IL16: variants seen among roughly 807,000 people sequenced by gnomAD.
The protein encoded by IL16 is pro-interleukin-16.
IL16 carries 67 observed loss-of-function variants against 110.1 expected under a neutral mutation model. That is an observed-to-expected ratio of 0.61 (90% CI 0.50 to 0.75). The LOEUF is 0.75. Ranked by LOEUF, IL16 falls within the 30% of genes least tolerant of loss-of-function variation. The pLI, the probability that IL16 is intolerant of heterozygous loss-of-function variation, is 0.00. For synonymous variants in IL16, 689 were observed against 662.9 expected (o/e 1.04, Z -0.61); for missense variants, 1,545 against 1,655.0 (o/e 0.93, Z 1.15).
At chr15:81,269,222 C>A (rs1898523955) in intron 4 of IL16, among the ~76,000 whole-genome samples, 1 of 152,244 alleles carries the variant, frequency 6.6e-6, no homozygotes, top group African/African-American at 2.4e-5. Context: ...TGAGACCTGG[C>A]TTATGAGGAC....
upstream of IL16, among the ~76,000 whole-genome samples, chr15:81,196,573 C>A (rs983389424): frequency 4.6e-5 from 7 of 152,234 alleles, no homozygotes; most frequent in Admixed American, 1.3e-4. Context: ...AAGCTCCTAG[C>A]AGCGTGCCAG....
At chr15:81,247,070 C>CTCTTTTTTTTTT (rs1567016849) in intron 2 of IL16, among the ~76,000 whole-genome samples, 1 of 107,608 alleles carries the variant, frequency 9.3e-6, no homozygotes, top group African/African-American at 3.5e-5. Context: ...TCTTTCTTTT[C>CTCTTTTTTTTTT]TTTTCCTTTT....
chr15:81,306,339 C>A, intron 17 of IL16, 81 bp from the exon 18 acceptor site: 1 of 1,581,440 alleles, frequency 6.3e-7, no homozygotes, highest in Non-Finnish European at 8.6e-7. Context: ...GGCTGTATCA[C>A]CCCGGGCTCA....
At chr15:81,285,468 G>A (rs1056913973) in intron 9 of IL16, among the ~76,000 whole-genome samples, 13 of 152,216 alleles carry the variant, frequency 8.5e-5, no homozygotes, top group African/African-American at 2.7e-4. Context: ...TTGACCCACT[G>A]TAAATAGGAA....
At chr15:81,219,754 G>A (rs943282448) in intron 1 of IL16, among the ~76,000 whole-genome samples, 1 of 152,168 alleles carries the variant, frequency 6.6e-6, no homozygotes, top group Non-Finnish European at 1.5e-5. Context: ...TACCTGGAGT[G>A]CATCATTCTG....
At chr15:81,216,131 G>A (rs886814513) in intron 1 of IL16, among the ~76,000 whole-genome samples, 2 of 152,216 alleles carry the variant, frequency 1.3e-5, no homozygotes, top group Admixed American at 6.5e-5. Context: ...CCTCCCAGAG[G>A]GGAATAGAGA....
intron 12 of IL16, among the ~76,000 whole-genome samples, chr15:81,296,440 CACTT>C (rs1461795292): frequency 6.6e-6 from 1 of 152,214 alleles, no homozygotes; most frequent in African/African-American, 2.4e-5. Context: ...TTTTGCAGAA[CACTT>C]ACTAAATATT....
rs115181145 is a variant in IL16, at chr15:81,227,438, G to A, written c.312+1727G>A. Reference sequence around the variant, plus strand: ...AATGAAGTGGAGGGGGGTGCATCACGTGCCCACCTGGGGAAGGGCATTGCA... The same window carrying A: ...AATGAAGTGGAGGGGGGTGCATCACATGCCCACCTGGGGAAGGGCATTGCA... On this transcript the variant is annotated intron_variant, in intron 2 of 18. Transcript: ENST00000683961. 6.6e-3 allele frequency among the ~76,000 whole-genome samples: 1,009 copies of A among 152,218 alleles called. 6 individuals carry two copies. The highest frequency in any genetic ancestry group is 0.023 in the African/African-American group (960 of 41,506).
chr15:81,306,210 C>T (rs1319846938), intron 17 of IL16, 44 bp downstream of exon 17: 1 of 1,594,668 alleles, frequency 6.3e-7, no homozygotes, highest in Non-Finnish European at 8.5e-7. Context: ...GCCACATCCT[C>T]TTTGGCCATT....
intron 1 of IL16, among the ~76,000 whole-genome samples, chr15:81,207,562 G>A (rs936412111): frequency 6.8e-6 from 1 of 147,242 alleles, no homozygotes; most frequent in African/African-American, 2.5e-5. Flanking sequence ...TTGTTCCTCT[G>A]TTTATGTTAC....
chr15:81,209,244 G>C (rs1443428517), intron 1 of IL16, among the ~76,000 whole-genome samples: 4 of 152,172 alleles, frequency 2.6e-5, no homozygotes, highest in Non-Finnish European at 4.4e-5. Context: ...ACATGTCAGG[G>C]AAATCATGGG....
Position 81,197,033 on chromosome 15 carries a change from C to T in IL16, c.-221C>T. ...CAATCCTTGCCGGCTCTGACCCAGG[C>T]CTGGGCCACAGGCTGTCCGGGAATA... On this transcript the variant is annotated 5_prime_UTR_variant, in exon 1 of 19. Transcript: ENST00000683961. 1.6e-6 allele frequency: 2 copies of T among 1,288,470 alleles called. No individual in the cohort carries two copies. Among genetic ancestry groups the T allele is most frequent in the Non-Finnish European group, 2.0e-6 (2 of 988,432 alleles). 79.8% of individuals were successfully genotyped at this position (1,288,470 alleles called of 1,614,324 possible). A position where few individuals can be genotyped will look rare whatever the true frequency, so the allele number is the denominator to read the frequency against.
intron 1 of IL16, among the ~76,000 whole-genome samples, chr15:81,199,435 C>T (rs74030015): frequency 0.013 from 1,961 of 152,240 alleles, 44 homozygotes; most frequent in Middle Eastern, 0.044. Context: ...AGGAGGGAGG[C>T]GCTGTTCTTG....
chr15:81,294,264 T>A (rs1000457842), intron 12 of IL16, among the ~76,000 whole-genome samples: 11 of 152,214 alleles, frequency 7.2e-5, no homozygotes, highest in Non-Finnish European at 1.6e-4. Context: ...CAACACATGA[T>A]GGAGTTATCA....
intron 1 of IL16, among the ~76,000 whole-genome samples, chr15:81,212,122 G>C (rs1000227105): frequency 2.0e-5 from 3 of 150,318 alleles, no homozygotes; most frequent in Non-Finnish European, 3.0e-5. Context: ...AATCCATCTT[G>C]TCTAGGGCTT....
At chr15:81,268,643 T>C (rs1898498533) in intron 4 of IL16, among the ~76,000 whole-genome samples, 1 of 152,276 alleles carries the variant, frequency 6.6e-6, no homozygotes, top group Non-Finnish European at 1.5e-5. Flanking sequence ...CTGATGTGTC[T>C]GCTTTCGTGG....
chr15:81,208,067 A>G (rs1435364089), intron 1 of IL16, among the ~76,000 whole-genome samples: 1 of 152,214 alleles, frequency 6.6e-6, no homozygotes, highest in Admixed American at 6.5e-5. Flanking sequence ...AATAACTGTC[A>G]TTCTGACTGG....
At chr15:81,246,659 A>C (rs1207600877) in intron 2 of IL16, among the ~76,000 whole-genome samples, 1 of 151,978 alleles carries the variant, frequency 6.6e-6, no homozygotes, top group Non-Finnish European at 1.5e-5. Context: ...TACTGATATC[A>C]ATGTTTTCTT....
At chr15:81,270,488 C>G (rs1394929983) in intron 5 of IL16, among the ~76,000 whole-genome samples, 1 of 152,196 alleles carries the variant, frequency 6.6e-6, no homozygotes, top group East Asian at 1.9e-4. Flanking sequence ...TCTCCTGTCC[C>G]TTCTGTCTGC....
Sources: allele counts gnomAD v4.1 joint callset (sites outside exome capture counted in the v4.1 genomes callset), GRCh38; gene constraint gnomAD v4.1.1; transcripts MANE v1.5; gene names NCBI Gene and HGNC (gene_info 2026-07-23, HGNC 2026-07-21).